DTNBP1: variants seen among roughly 807,000 people sequenced by gnomAD.
The protein encoded by DTNBP1 is dysbindin.
A neutral mutation model predicts 42.8 loss-of-function variants in DTNBP1; 35 were observed. The ratio of observed to expected loss-of-function variants is 0.82; its 90% CI spans 0.63 to 1.09. The LOEUF is 1.09. DTNBP1 is among the 50% of genes least tolerant of loss of function. DTNBP1 has a pLI of 0.00. For synonymous variants in DTNBP1, 171 were observed against 162.2 expected (o/e 1.05, Z -0.41); for missense variants, 457 against 424.2 (o/e 1.08, Z -0.68).
chr6:15,609,435 T>A (rs778464248), intron 6 of DTNBP1, among the ~76,000 whole-genome samples: 3 of 151,978 alleles, frequency 2.0e-5, no homozygotes, highest in South Asian at 2.1e-4. Flanking sequence ...TTCTCCCACC[T>A]CAGCCTCCTG....
intron 5 of DTNBP1, among the ~76,000 whole-genome samples, chr6:15,621,420 T>C (rs979572642): frequency 6.6e-6 from 1 of 152,234 alleles, no homozygotes; most frequent in African/African-American, 2.4e-5. Flanking sequence ...GAAATTCTGT[T>C]CTAGGTACAA....
At chr6:15,581,481 T>TG (rs1168335759) in intron 7 of DTNBP1, among the ~76,000 whole-genome samples, 10 of 133,302 alleles carry the variant, frequency 7.5e-5, no homozygotes, top group Non-Finnish European at 4.8e-5. Context: ...CCCGACTGTT[T>TG]TTTTTTTTTT....
At position 15,626,266 on chromosome 6, in the gene DTNBP1, A is replaced by C. The variant is rs146247533; in HGVS notation, c.355+1077T>G. Among the ~76,000 whole-genome samples the C allele has an allele frequency of 1.9e-3, 293 of 152,338 alleles. 4 individuals carry two copies. In the Middle Eastern group the frequency reaches 0.024, roughly 12 times the overall value. On this transcript the variant is annotated intron_variant, in intron 5 of 9. Coordinates refer to ENST00000344537, the MANE Select transcript of DTNBP1 (RefSeq NM_032122.5). ...CTTTTGTGGGGTTCTTGTGAGAATT[A>C]CAGATAGTATCTGTAAATCATCTAA...
At chr6:15,623,846 T>A (rs2113727969) in intron 5 of DTNBP1, among the ~76,000 whole-genome samples, 1 of 152,372 alleles carries the variant, frequency 6.6e-6, no homozygotes, top group East Asian at 1.9e-4. Flanking sequence ...TATTCCATTG[T>A]ATGCTTACAC....
intron 7 of DTNBP1, chr6:15,533,630 T>C: frequency 1.5e-6 from 1 of 676,590 alleles, no homozygotes. Context: ...TTGCATGTGC[T>C]GTTCCCTTTG....
At chr6:15,635,872 T>C (rs1759981237) in intron 4 of DTNBP1, among the ~76,000 whole-genome samples, 1 of 152,240 alleles carries the variant, frequency 6.6e-6, no homozygotes, top group South Asian at 2.1e-4. Flanking sequence ...TCTTCCTTAC[T>C]CACGTTTAAG....
At chr6:15,563,068 C>T (rs1185788390) in intron 7 of DTNBP1, among the ~76,000 whole-genome samples, 2 of 152,216 alleles carry the variant, frequency 1.3e-5, no homozygotes, top group African/African-American at 2.4e-5. Flanking sequence ...GCAGCCTTCA[C>T]GACCTGCTTC....
chr6:15,611,546 G>C (rs1758404453), intron 6 of DTNBP1, among the ~76,000 whole-genome samples: 1 of 152,190 alleles, frequency 6.6e-6, no homozygotes, highest in Admixed American at 6.5e-5. Flanking sequence ...CATAGATAAT[G>C]ATTCCTTCAA....
chr6:15,616,415 A>T (rs534502536), intron 5 of DTNBP1, among the ~76,000 whole-genome samples: 1 of 152,300 alleles, frequency 6.6e-6, no homozygotes, highest in East Asian at 1.9e-4. Context: ...GAGGGGAGGT[A>T]TATTTCAATG....
In DTNBP1 at chr6:15,524,816, T is replaced by C; in HGVS notation, c.668-147A>G. ...AAGCAACGTATTAGTAGATGACATA[T>C]GCCAGTCTGGCACTTTAAATGCATC... is the stretch of plus-strand genomic sequence containing the variant. On this transcript the variant is annotated intron_variant, in intron 8 of 9. Transcript: ENST00000344537. 5 of 1,262,148 alleles carry C rather than the reference T, an allele frequency of 4.0e-6. No homozygotes were observed. The South Asian group carries it at 4.2e-5, about 11-fold the overall frequency. The allele number at this position is 1,262,148 out of a possible 1,614,324, so 78.2% of individuals were successfully genotyped here.
chr6:15,582,645 A>G (rs1404944883), intron 7 of DTNBP1, among the ~76,000 whole-genome samples: 1 of 152,194 alleles, frequency 6.6e-6, no homozygotes, highest in Non-Finnish European at 1.5e-5. Flanking sequence ...TTCTTATTAC[A>G]TATACTTTTA....
chr6:15,593,549 G>A (rs1181077947), intron 6 of DTNBP1, among the ~76,000 whole-genome samples: 1 of 152,174 alleles, frequency 6.6e-6, no homozygotes, highest in Non-Finnish European at 1.5e-5. Flanking sequence ...AAAGAGAAAA[G>A]GGGGAAAGTG....
chr6:15,582,357 G>T (rs1425888582), intron 7 of DTNBP1, among the ~76,000 whole-genome samples: 2 of 152,146 alleles, frequency 1.3e-5, no homozygotes, highest in Non-Finnish European at 2.9e-5. Flanking sequence ...AACTCTCTAA[G>T]TCTCAATTTT....
intron 7 of DTNBP1, among the ~76,000 whole-genome samples, chr6:15,583,169 C>T (rs918896986): frequency 3.9e-5 from 6 of 151,962 alleles, no homozygotes; most frequent in Admixed American, 6.6e-5. Context: ...TTTTGTAGAG[C>T]GGGGGTCTCA....
At chr6:15,626,015 G>C (rs995247368) in intron 5 of DTNBP1, among the ~76,000 whole-genome samples, 1 of 152,142 alleles carries the variant, frequency 6.6e-6, no homozygotes, top group Non-Finnish European at 1.5e-5. Context: ...CACTGACCCT[G>C]AAAGGCATGG....
intron 8 of DTNBP1, among the ~76,000 whole-genome samples, chr6:15,526,221 G>A (rs1055888053): frequency 3.3e-5 from 5 of 151,864 alleles, no homozygotes; most frequent in African/African-American, 4.8e-5. Flanking sequence ...GAGGCATAGT[G>A]AAGGAAGGGC....
chr6:15,662,805 T>A lies in DTNBP1; in HGVS notation c.56+9A>T. 6.2e-7 allele frequency: 1 copy of A among 1,612,100 alleles called. No homozygotes were observed. Among genetic ancestry groups the A allele is most frequent in the Non-Finnish European group, 8.5e-7 (1 of 1,179,498 alleles). On this transcript the variant is annotated intron_variant, in intron 1 of 9. Coordinates refer to ENST00000344537, the MANE Select transcript of DTNBP1 (RefSeq NM_032122.5). ...TCAGGTCCCTTTTCGTCGCCCACCG[T>A]ATACCCACCCGGAGGTGAAATCCTG...
chr6:15,637,618 G>T, intron 4 of DTNBP1, 126 bp downstream of exon 4: 3 of 1,014,460 alleles, frequency 3.0e-6, no homozygotes, highest in Non-Finnish European at 4.5e-6. Context: ...TCAACGACTA[G>T]ATTCAATTTC....
chr6:15,600,126 C>T (rs531615261), intron 6 of DTNBP1, among the ~76,000 whole-genome samples: 6 of 152,124 alleles, frequency 3.9e-5, no homozygotes, highest in Non-Finnish European at 8.8e-5. Flanking sequence ...TCAATCCATC[C>T]TTACATTGAG....
Sources: allele counts gnomAD v4.1 joint callset (sites outside exome capture counted in the v4.1 genomes callset), GRCh38; gene constraint gnomAD v4.1.1; transcripts MANE v1.5; gene names NCBI Gene and HGNC (gene_info 2026-07-23, HGNC 2026-07-21).